ANGPTL3: variants seen among roughly 807,000 people sequenced by gnomAD.
ANGPTL3 encodes the protein angiopoietin like 3, also known as angiopoietin-related protein 3.
A neutral mutation model predicts 52.7 loss-of-function variants in ANGPTL3; 51 were observed. The observed-to-expected ratio is 0.97, with a 90% CI of 0.77 to 1.22. The LOEUF (loss-of-function observed/expected upper bound fraction) is 1.22, where lower values mean the gene tolerates loss of function less well. Ranked by LOEUF, ANGPTL3 falls within the 50% of genes most tolerant of loss-of-function variation. The pLI is 0.00. For missense variants in ANGPTL3, 506 were observed against 520.7 expected (o/e 0.97, Z 0.27); for synonymous variants, 185 against 179.8 (o/e 1.03, Z -0.23).
At position 62,604,220 on chromosome 1, in the gene ANGPTL3, C is replaced by G. The variant is rs758320855; in HGVS notation, c.1183C>G (p.Pro395Ala). Reference protein sequence around the residue: ...DHKAKGHFNCPEGYSGGWWWH... With the variant: ...DHKAKGHFNCAEGYSGGWWWH... ...CAAAGCAAAAGGACACTTCAACTGTCCAGAGGGTTATTCAGGTATCTTTTT... is the reference window on the plus strand; with the variant it reads ...CAAAGCAAAAGGACACTTCAACTGTGCAGAGGGTTATTCAGGTATCTTTTT... Residue 395 changes from proline to alanine, a missense_variant, in exon 6 of 7, where the codon CCA (proline) becomes GCA (alanine). Transcript: ENST00000371129. 1 of 1,613,074 alleles carries G rather than the reference C, an allele frequency of 6.2e-7. No individual in the cohort carries two copies. Among genetic ancestry groups the G allele is most frequent in the Non-Finnish European group, 8.5e-7 (1 of 1,179,282 alleles).
At position 62,598,074 on chromosome 1, in the gene ANGPTL3, T is replaced by C. The variant is rs1649548409; in HGVS notation, c.495+13T>C. 7 of 1,572,818 alleles carry C rather than the reference T, an allele frequency of 4.5e-6. No individual in the cohort carries two copies. Among genetic ancestry groups the C allele is most frequent in the Non-Finnish European group, 6.0e-6 (7 of 1,165,906 alleles). On this transcript the variant is annotated intron_variant, in intron 1 of 6. Transcript: ENST00000371129. The stretch of plus-strand genomic sequence containing the variant: ...AACTTCACTTAAAGTAAGTAGAAAA[T>C]AAAGAGGGTTCATGTTTATGTTTTC...
chr1:62,597,657 C>G lies in ANGPTL3; in HGVS notation c.91C>G (p.Pro31Ala). 1 of 1,613,412 alleles carries G rather than the reference C, an allele frequency of 6.2e-7. No homozygotes were observed. The highest frequency in any genetic ancestry group is 1.1e-5 in the South Asian group (1 of 91,042). The stretch of plus-strand genomic sequence containing the variant: ...CAATTCATCATTTGATTCTCTATCT[C>G]CAGAGCCAAAATCAAGATTTGCTAT... ...QDNSSFDSLS[P>A]EPKSRFAMLD... The change falls in exon 1 of 7, where the codon CCA (proline) becomes GCA (alanine). Residue 31 changes from proline to alanine, a missense_variant. Transcript: ENST00000371129.
chr1:62,601,617 A>C, intron 3 of ANGPTL3, 152 bp from the exon 4 acceptor site: 1 of 573,146 alleles, frequency 1.7e-6, no homozygotes, highest in Non-Finnish European at 3.1e-6. Context: ...ATTCTTAAAT[A>C]ACACGCCATC....
At position 62,602,376 on chromosome 1, in the gene ANGPTL3, T is replaced by A. The variant is rs1359917218; in HGVS notation, c.927T>A (p.Leu309=). The A allele has an allele frequency of 6.2e-7, 1 of 1,610,158 alleles. No homozygotes were observed. The highest frequency in any genetic ancestry group is 1.3e-5 in the African/African-American group (1 of 74,902). Residue 309 remains leucine (L), a synonymous_variant, in exon 5 of 7, where the codon CTT becomes CTA. Coordinates refer to ENST00000371129, the MANE Select transcript of ANGPTL3 (RefSeq NM_014495.4). ...WENYKYGFGR[L]DGEFWLGLEK... The stretch of plus-strand genomic sequence containing the variant: ...ACTACAAATATGGTTTTGGGAGGCT[T>A]GATGGTAAGGGGACTACATTCAATC...
chr1:62,602,440 C>T, intron 5 of ANGPTL3, 60 bp downstream of exon 5: 3 of 1,438,414 alleles, frequency 2.1e-6, no homozygotes, highest in South Asian at 2.3e-5. Flanking sequence ...TTACTGAGAA[C>T]CTCTTATGGA....
At chr1:62,600,133 C>A (rs1005695902) in intron 2 of ANGPTL3, among the ~76,000 whole-genome samples, 2 of 151,816 alleles carry the variant, frequency 1.3e-5, no homozygotes, top group African/African-American at 2.4e-5. Context: ...TCAATTATAT[C>A]TTTTACTATG....
In ANGPTL3 at chr1:62,604,084, T is replaced by C; in HGVS notation, c.1047T>C (p.Phe349=). 2 of 1,613,428 alleles carry C rather than the reference T, an allele frequency of 1.2e-6. No homozygotes were observed. Among genetic ancestry groups the C allele is most frequent in the Non-Finnish European group, 1.7e-6 (2 of 1,179,500 alleles). ...ACAAACATTATATTGAATATTCTTT[T>C]TACTTGGGAAATCACGAAACCAACT... ...KDNKHYIEYS[F]YLGNHETNYT... The change falls in exon 6 of 7, where the codon TTT becomes TTC. Residue 349 remains phenylalanine, a synonymous_variant. Transcript: ENST00000371129.
At chr1:62,604,419 T>C (rs1383219788) in intron 6 of ANGPTL3, 184 bp downstream of exon 6, 1 of 895,070 alleles carries the variant, frequency 1.1e-6, no homozygotes, top group Non-Finnish European at 1.7e-6. Flanking sequence ...ATTTTACCTC[T>C]AATCTTCCTC....
rs114421822 is a variant in ANGPTL3, at chr1:62,605,625, G to C, written c.*808G>C. 3.9e-5 allele frequency: 6 copies of C among 152,268 alleles called. No homozygotes were observed. The highest frequency in any genetic ancestry group is 7.4e-5 in the Non-Finnish European group (5 of 67,870). 9.4% of individuals were successfully genotyped at this position (152,268 alleles called of 1,614,324 possible). ...TAAGAATGAACATATTTGTGGCATC[G>C]AGTTAAAGTTTATATTTCCCCTAAA... On this transcript the variant is annotated 3_prime_UTR_variant, in exon 7 of 7. Transcript: ENST00000371129.
chr1:62,599,967 T>C (rs993438051), intron 2 of ANGPTL3, among the ~76,000 whole-genome samples: 2 of 151,924 alleles, frequency 1.3e-5, no homozygotes, highest in Non-Finnish European at 2.9e-5. Context: ...TCAGAGAAAC[T>C]GGTAAACAAA....
intron 2 of ANGPTL3, among the ~76,000 whole-genome samples, chr1:62,599,995 TA>T (rs1190720937): frequency 6.6e-6 from 1 of 151,946 alleles, no homozygotes; most frequent in African/African-American, 2.4e-5. Flanking sequence ...TCAAGAGATA[TA>T]AAACAAATAT....
At chr1:62,601,712 T>C in intron 3 of ANGPTL3, 57 bp from the exon 4 acceptor site, 1 of 1,210,528 alleles carries the variant, frequency 8.3e-7, no homozygotes, top group South Asian at 1.3e-5. Flanking sequence ...AATCTCAAGC[T>C]CCAAAGATAT....
At position 62,597,624 on chromosome 1, in the gene ANGPTL3, G is replaced by T. The variant is rs1557775786; in HGVS notation, c.58G>T (p.Asp20Tyr). 1 of 1,613,016 alleles carries T rather than the reference G, an allele frequency of 6.2e-7. No homozygotes were observed. Among genetic ancestry groups the T allele is most frequent in the Non-Finnish European group, 8.5e-7 (1 of 1,179,382 alleles). The change falls in exon 1 of 7, where the codon GAT becomes TAT. Residue 20 changes from aspartate (D) to tyrosine (Y), a missense_variant. Physicochemically the swap from Asp to Tyr is radical, Grantham distance 160. Transcript: ENST00000371129. ...TCCTCTAGTTATTTCCTCCAGAATTGATCAAGACAATTCATCATTTGATTC... is the reference window on the plus strand; with the variant it reads ...TCCTCTAGTTATTTCCTCCAGAATTTATCAAGACAATTCATCATTTGATTC... Reference protein sequence around the residue: ...IVPLVISSRIDQDNSSFDSLS... With the variant: ...IVPLVISSRIYQDNSSFDSLS...
chr1:62,604,780 T>C lies in ANGPTL3; in HGVS notation c.1346T>C (p.Met449Thr), dbSNP rs1355226358. The C allele has an allele frequency of 6.2e-7, 1 of 1,613,058 alleles. No individual in the cohort carries two copies. Among genetic ancestry groups the C allele is most frequent in the Non-Finnish European group, 8.5e-7 (1 of 1,179,288 alleles). ...GRLYSIKSTK[M>T]LIHPTDSESF... ...TTATACTCTATAAAATCAACCAAAA[T>C]GTTGATCCATCCAACAGATTCAGAA... is the stretch of plus-strand genomic sequence containing the variant. Residue 449 changes from methionine to threonine, a missense_variant, in exon 7 of 7, where the codon ATG (methionine) becomes ACG (threonine). Physicochemically the swap from Met to Thr is moderately conservative, Grantham distance 81. Transcript: ENST00000371129.
In ANGPTL3 at chr1:62,597,729, C is replaced by A; in HGVS notation, c.163C>A (p.His55Asn). ...ILANGLLQLG[H>N]GLKDFVHKTK... The stretch of plus-strand genomic sequence containing the variant: ...AGCCAATGGCCTCCTTCAGTTGGGA[C>A]ATGGTCTTAAAGACTTTGTCCATAA... Residue 55 changes from histidine (H) to asparagine (N), a missense_variant, in exon 1 of 7, where the codon CAT becomes AAT. By Grantham distance (68) the His-to-Asn change is moderately conservative. Transcript: ENST00000371129. 6.2e-7 allele frequency: 1 copy of A among 1,613,542 alleles called. No individual in the cohort carries two copies.
Position 62,604,913 on chromosome 1 carries a change from T to C in ANGPTL3, c.*96T>C, listed in dbSNP as rs530919457. 6 of 1,323,862 alleles carry C rather than the reference T, an allele frequency of 4.5e-6. No individual in the cohort carries two copies. The South Asian group carries it at 7.4e-5, about 16-fold the overall frequency. The allele number at this position is 1,323,862 out of a possible 1,614,324, so 82.0% of individuals were successfully genotyped here. A position where few individuals can be genotyped will look rare whatever the true frequency, so the allele number is the denominator to read the frequency against. On this transcript the variant is annotated 3_prime_UTR_variant, in exon 7 of 7. Transcript: ENST00000371129. Reference sequence around the variant, plus strand: ...GGTATTAAATCCTTAAGAGAAAGCTTGAGAAATAGATTTTTTTTATCTTAA... The same window carrying C: ...GGTATTAAATCCTTAAGAGAAAGCTCGAGAAATAGATTTTTTTTATCTTAA...
intron 3 of ANGPTL3, 75 bp downstream of exon 3, chr1:62,601,271 T>C: frequency 9.7e-7 from 1 of 1,032,022 alleles, no homozygotes; most frequent in Non-Finnish European, 1.5e-6. Flanking sequence ...TGTTCTAGAC[T>C]AAAAGATAGT....
chr1:62,603,464 T>A (rs1471788684), intron 5 of ANGPTL3, among the ~76,000 whole-genome samples: 7 of 151,850 alleles, frequency 4.6e-5, no homozygotes, highest in Non-Finnish European at 1.0e-4. Flanking sequence ...AATGATTTTT[T>A]AAATTTATTC....
At chr1:62,599,067 T>C (rs1649725899) in intron 2 of ANGPTL3, among the ~76,000 whole-genome samples, 1 of 152,038 alleles carries the variant, frequency 6.6e-6, no homozygotes, top group South Asian at 2.1e-4. Flanking sequence ...TAACAGAACT[T>C]ATAGGATTAT....
Sources: allele counts gnomAD v4.1 joint callset (sites outside exome capture counted in the v4.1 genomes callset), GRCh38; gene constraint gnomAD v4.1.1; transcripts MANE v1.5; gene names NCBI Gene and HGNC (gene_info 2026-07-23, HGNC 2026-07-21).